The following TRNAU1AP variants were observed in gnomAD, a reference collection of about 807,000 sequenced individuals.
The protein encoded by TRNAU1AP is tRNA selenocysteine 1 associated protein 1.
Under a neutral mutation model 43.3 loss-of-function variants are expected in TRNAU1AP, and 33 were observed. That is an observed-to-expected ratio of 0.76 (90% CI 0.58 to 1.02). The LOEUF (loss-of-function observed/expected upper bound fraction) is 1.02, where lower values mean the gene tolerates loss of function less well. Among genes scored for constraint, TRNAU1AP ranks in the 50% least tolerant of loss-of-function variants. The pLI, the probability that TRNAU1AP is intolerant of heterozygous loss-of-function variation, is 0.00. For missense variants in TRNAU1AP, 290 were observed against 362.7 expected (o/e 0.80, Z 1.63); for synonymous variants, 143 against 129.1 (o/e 1.11, Z -0.73).
intron 2 of TRNAU1AP, among the ~76,000 whole-genome samples, chr1:28,555,987 G>T (rs1282969483): frequency 6.6e-6 from 1 of 151,828 alleles, no homozygotes; most frequent in African/African-American, 2.4e-5. Context: ...CCAAGTAGCT[G>T]GGACTACAGG....
chr1:28,562,262 G>A (rs1426741959), intron 4 of TRNAU1AP, among the ~76,000 whole-genome samples: 4 of 152,156 alleles, frequency 2.6e-5, no homozygotes, highest in Non-Finnish European at 5.9e-5. Context: ...AGCCTCAGAT[G>A]TATTCATTGA....
In TRNAU1AP at chr1:28,553,623, C is replaced by T. The variant is rs749510488; in HGVS notation, c.28-17C>T. The T allele has an allele frequency of 2.3e-5, 37 of 1,612,602 alleles. No homozygotes were observed. The highest frequency in any genetic ancestry group is 8.3e-5 in the Admixed American group (5 of 59,996). On this transcript the variant is annotated splice_polypyrimidine_tract_variant and intron_variant, in intron 1 of 8. Coordinates refer to ENST00000373830, the MANE Select transcript of TRNAU1AP (RefSeq NM_017846.5). ...CCGGCCGCCGGCCTGAGCCGCTGTG[C>T]TCTTGTTTTTACGCAGCTGGAACCC...
intron 2 of TRNAU1AP, among the ~76,000 whole-genome samples, chr1:28,555,575 G>A (rs1286990331): frequency 1.3e-5 from 2 of 148,552 alleles, no homozygotes; most frequent in African/African-American, 5.0e-5. Flanking sequence ...TTGGCTCACT[G>A]AAAGCTCCGC....
At chr1:28,553,264 T>C in intron 1 of TRNAU1AP, 127 bp downstream of exon 1, 1 of 1,108,664 alleles carries the variant, frequency 9.0e-7, no homozygotes, top group Non-Finnish European at 1.3e-6. Context: ...GGGTTCTTTT[T>C]GGTGACACAG....
Position 28,560,661 on chromosome 1 carries a change from T to G in TRNAU1AP, c.154T>G (p.Phe52Val). ...GIPAGYCFVE[F>V]ADLATAEKCL... ...CCCAGCTGGCTACTGCTTTGTAGAA[T>G]TTGCAGATTTGGCCACAGCTGAGAA... Residue 52 changes from phenylalanine to valine, a missense_variant, in exon 3 of 9, where the codon TTT (phenylalanine) becomes GTT (valine). Transcript: ENST00000373830. 6.2e-7 allele frequency: 1 copy of G among 1,614,112 alleles called. No individual in the cohort carries two copies. The highest frequency in any genetic ancestry group is 8.5e-7 in the Non-Finnish European group (1 of 1,180,022).
At chr1:28,563,476 A>C (rs2124198692) in intron 4 of TRNAU1AP, among the ~76,000 whole-genome samples, 1 of 152,074 alleles carries the variant, frequency 6.6e-6, no homozygotes, top group East Asian at 2.0e-4. Flanking sequence ...TGCGGTCGGG[A>C]GTTCGAGATC....
intron 6 of TRNAU1AP, among the ~76,000 whole-genome samples, chr1:28,567,653 A>G (rs187901748): frequency 6.6e-6 from 1 of 152,280 alleles, no homozygotes; most frequent in African/African-American, 2.4e-5. Context: ...ATGTATTCAG[A>G]CATTACTGGT....
At chr1:28,558,472 C>A (rs951094775) in intron 2 of TRNAU1AP, among the ~76,000 whole-genome samples, 1 of 151,780 alleles carries the variant, frequency 6.6e-6, no homozygotes, top group Non-Finnish European at 1.5e-5. Flanking sequence ...CAGCTCACTG[C>A]AACTTCCGCC....
intron 2 of TRNAU1AP, among the ~76,000 whole-genome samples, chr1:28,560,073 A>G (rs950881858): frequency 6.6e-6 from 1 of 152,152 alleles, no homozygotes; most frequent in African/African-American, 2.4e-5. Context: ...CAGAGGTTAT[A>G]GTGAGCTGAG....
chr1:28,557,254 C>T (rs1027032983), intron 2 of TRNAU1AP, among the ~76,000 whole-genome samples: 1 of 151,276 alleles, frequency 6.6e-6, no homozygotes, highest in Non-Finnish European at 1.5e-5. Context: ...CCCGTCTCTA[C>T]TAAAAATACA....
intron 6 of TRNAU1AP, among the ~76,000 whole-genome samples, chr1:28,568,717 T>G (rs2124207682): frequency 6.6e-6 from 1 of 152,200 alleles, no homozygotes; most frequent in African/African-American, 2.4e-5. Context: ...CGGCCAAGGA[T>G]ACTGTTAAAC....
At chr1:28,557,220 C>T (rs1274391241) in intron 2 of TRNAU1AP, among the ~76,000 whole-genome samples, 3 of 151,356 alleles carry the variant, frequency 2.0e-5, no homozygotes, top group African/African-American at 7.3e-5. Context: ...GAGATCGAGA[C>T]CATCCTGGCT....
At chr1:28,574,122 C>T (rs1665723216) in intron 8 of TRNAU1AP, among the ~76,000 whole-genome samples, 1 of 149,864 alleles carries the variant, frequency 6.7e-6, no homozygotes. Flanking sequence ...GCTCTGTCAC[C>T]CAGGCTGGAG....
intron 6 of TRNAU1AP, among the ~76,000 whole-genome samples, chr1:28,568,219 C>G (rs1464520573): frequency 6.6e-6 from 1 of 152,160 alleles, no homozygotes; most frequent in Non-Finnish European, 1.5e-5. Flanking sequence ...ACTTCACTAT[C>G]ACACCTGTCA....
At chr1:28,567,889 C>T (rs772861915) in intron 6 of TRNAU1AP, among the ~76,000 whole-genome samples, 6 of 152,128 alleles carry the variant, frequency 3.9e-5, no homozygotes, top group Non-Finnish European at 7.3e-5. Flanking sequence ...CTTGGCCGGG[C>T]GCAGTGGCTC....
At chr1:28,570,019 G>A (rs1205834223) in intron 6 of TRNAU1AP, among the ~76,000 whole-genome samples, 1 of 146,748 alleles carries the variant, frequency 6.8e-6, no homozygotes, top group African/African-American at 2.5e-5. Flanking sequence ...CAAAAAAAAC[G>A]AAAACAAAAG....
intron 6 of TRNAU1AP, among the ~76,000 whole-genome samples, chr1:28,569,388 G>A (rs527702853): frequency 2.6e-5 from 4 of 151,882 alleles, no homozygotes; most frequent in Non-Finnish European, 4.4e-5. Flanking sequence ...GAGTGAGACC[G>A]TGTCTCTTAA....
chr1:28,560,770 A>G lies in TRNAU1AP; in HGVS notation c.225+38A>G, dbSNP rs780022102. On this transcript the variant is annotated intron_variant, in intron 3 of 8. Transcript: ENST00000373830. The stretch of plus-strand genomic sequence containing the variant: ...AGATAATGATGATGTTGCCATTATT[A>G]TTGTCATTGCTTACTACCATCTATT... 3 of 1,503,450 alleles carry G rather than the reference A, an allele frequency of 2.0e-6. No homozygotes were observed. In the Admixed American group the frequency reaches 5.1e-5, roughly 26 times the overall value. The allele number at this position is 1,503,450 out of a possible 1,614,324, so 93.1% of individuals were successfully genotyped here. A position where few individuals can be genotyped will look rare whatever the true frequency, so the allele number is the denominator to read the frequency against.
chr1:28,553,779 G>A (rs979570273), intron 2 of TRNAU1AP, 42 bp downstream of exon 2: 2 of 1,545,030 alleles, frequency 1.3e-6, no homozygotes, highest in African/African-American at 2.7e-5. Flanking sequence ...TCTCGTTGCA[G>A]CTGTCATGTA....
Sources: allele counts gnomAD v4.1 joint callset (sites outside exome capture counted in the v4.1 genomes callset), GRCh38; gene constraint gnomAD v4.1.1; transcripts MANE v1.5; gene names NCBI Gene and HGNC (gene_info 2026-07-23, HGNC 2026-07-21).